The following ABLIM1 variants were observed in gnomAD, a reference collection of about 807,000 sequenced individuals.
The protein encoded by ABLIM1 is actin-binding LIM protein 1.
A neutral mutation model predicts 107.0 loss-of-function variants in ABLIM1; 40 were observed. The observed-to-expected ratio is 0.37, with a 90% CI of 0.29 to 0.49. The LOEUF (loss-of-function observed/expected upper bound fraction) is 0.49. Ranked by LOEUF, ABLIM1 falls within the 20% of genes least tolerant of loss-of-function variation. The pLI is 0.97. For missense variants in ABLIM1, 857 were observed against 1,008.5 expected (o/e 0.85, Z 2.04); for synonymous variants, 357 against 357.3 (o/e 1.00, Z 0.01).
chr10:114,747,050 T>C (rs1238597760), intron 1 of ABLIM1, among the ~76,000 whole-genome samples: 1 of 152,222 alleles, frequency 6.6e-6, no homozygotes, highest in African/African-American at 2.4e-5. Flanking sequence ...GTTTCTTCAC[T>C]CTGCTAATTG....
At chr10:114,442,695 T>G (rs1441924986) in intron 17 of ABLIM1, among the ~76,000 whole-genome samples, 2 of 152,208 alleles carry the variant, frequency 1.3e-5, no homozygotes, top group Non-Finnish European at 2.9e-5. Flanking sequence ...CTGGGTATGT[T>G]AACTCAATTT....
chr10:114,633,640 C>G (rs2078312429), intron 1 of ABLIM1, among the ~76,000 whole-genome samples: 1 of 152,128 alleles, frequency 6.6e-6, no homozygotes, highest in Admixed American at 6.5e-5. Flanking sequence ...TCTCTAACCT[C>G]CATTCATAAA....
intron 1 of ABLIM1, among the ~76,000 whole-genome samples, chr10:114,670,934 A>AAT (rs1247618727): frequency 1.3e-5 from 2 of 152,126 alleles, no homozygotes; most frequent in Admixed American, 1.3e-4. Flanking sequence ...TTTTTATTGA[A>AAT]ATATATATCT....
intron 1 of ABLIM1, among the ~76,000 whole-genome samples, chr10:114,711,628 G>C (rs1027057448): frequency 6.6e-6 from 1 of 152,174 alleles, no homozygotes; most frequent in East Asian, 1.9e-4. Flanking sequence ...AAACCCACAA[G>C]GGGCATGCAC....
intron 1 of ABLIM1, among the ~76,000 whole-genome samples, chr10:114,654,727 C>T (rs575854911): frequency 9.2e-5 from 14 of 152,340 alleles, no homozygotes; most frequent in African/African-American, 1.4e-4. Flanking sequence ...TACCTGGGAT[C>T]GCTGGGGCCA....
chr10:114,651,233 G>A (rs971936891), intron 1 of ABLIM1, among the ~76,000 whole-genome samples: 1 of 152,002 alleles, frequency 6.6e-6, no homozygotes, highest in Non-Finnish European at 1.5e-5. Context: ...TTTTTTCCAT[G>A]CCAGGTACTA....
intron 2 of ABLIM1, among the ~76,000 whole-genome samples, chr10:114,597,234 T>A (rs2075504264): frequency 6.6e-6 from 1 of 152,196 alleles, no homozygotes; most frequent in Non-Finnish European, 1.5e-5. Flanking sequence ...AGACTGCTAT[T>A]GCTGCTGGGA....
chr10:114,756,974 C>A (rs1383291056), intron 1 of ABLIM1, among the ~76,000 whole-genome samples: 1 of 152,142 alleles, frequency 6.6e-6, no homozygotes, highest in African/African-American at 2.4e-5. Flanking sequence ...ATCCCCTGAG[C>A]CTGGCTCATA....
intron 1 of ABLIM1, among the ~76,000 whole-genome samples, chr10:114,668,297 A>T (rs546209720): frequency 6.6e-6 from 1 of 152,302 alleles, no homozygotes; most frequent in African/African-American, 2.4e-5. Context: ...GGAGTGAGAC[A>T]GGGATATTAG....
Position 114,482,310 on chromosome 10 carries a change from C to T in ABLIM1, c.1041+5648G>A, listed in dbSNP as rs76113501. Among the ~76,000 whole-genome samples, 852 of 152,220 alleles carry T rather than the reference C, an allele frequency of 5.6e-3. 20 individuals carry two copies. The highest frequency in any genetic ancestry group is 0.055 in the East Asian group (282 of 5,174). Reference sequence around the variant, plus strand: ...ATTCAGGCAAAAGGAAAAGATGGAGCTCATTCTCAATATAGATAACAAAAA... The same window carrying T: ...ATTCAGGCAAAAGGAAAAGATGGAGTTCATTCTCAATATAGATAACAAAAA... On this transcript the variant is annotated intron_variant, in intron 8 of 22. Coordinates refer to ENST00000533213, the MANE Select transcript of ABLIM1 (RefSeq NM_002313.7).
At chr10:114,705,645 A>G (rs1439624455) in intron 1 of ABLIM1, among the ~76,000 whole-genome samples, 1 of 152,220 alleles carries the variant, frequency 6.6e-6, no homozygotes, top group East Asian at 1.9e-4. Flanking sequence ...CCTTGGTGAG[A>G]AAGGCTGGGC....
At position 114,440,741 on chromosome 10, in the gene ABLIM1, A is replaced by G. The variant is rs138444039; in HGVS notation, c.2059+276T>C. The G allele has an allele frequency of 7.8e-3, 4,142 of 532,788 alleles. 33 individuals are homozygous for G. Among genetic ancestry groups the G allele is most frequent in the Middle Eastern group, 0.018 (55 of 3,070 alleles). 33.0% of individuals were successfully genotyped at this position (532,788 alleles called of 1,614,324 possible). ...CTCCCAAAGTGTTGGGATTGCAGGC[A>G]TGAGCCACCATGCCTGGCCTCTAGG... On this transcript the variant is annotated intron_variant, in intron 19 of 22. Coordinates refer to ENST00000533213, the MANE Select transcript of ABLIM1 (RefSeq NM_002313.7).
chr10:114,615,633 T>C (rs769528251), intron 1 of ABLIM1: 23 of 443,804 alleles, frequency 5.2e-5, no homozygotes, highest in Middle Eastern at 3.3e-4. Flanking sequence ...TATGTTCATG[T>C]TTTGAATACC....
chr10:114,480,124 C>T (rs933989930), intron 8 of ABLIM1, among the ~76,000 whole-genome samples: 5 of 152,222 alleles, frequency 3.3e-5, no homozygotes, highest in Non-Finnish European at 5.9e-5. Flanking sequence ...CTTTGGTCAT[C>T]ACAGAATTTT....
chr10:114,644,298 A>T (rs1566166355), intron 1 of ABLIM1, among the ~76,000 whole-genome samples: 9 of 101,380 alleles, frequency 8.9e-5, no homozygotes, highest in African/African-American at 4.3e-4. Context: ...AAAAAAAAAA[A>T]AAAAAAAAAT....
intron 2 of ABLIM1, among the ~76,000 whole-genome samples, chr10:114,583,757 G>C (rs2073882693): frequency 6.6e-6 from 1 of 151,810 alleles, no homozygotes; most frequent in Non-Finnish European, 1.5e-5. Context: ...GGAAAATGTG[G>C]TACATATACA....
At chr10:114,638,471 C>G (rs2078584467) in intron 1 of ABLIM1, among the ~76,000 whole-genome samples, 1 of 152,144 alleles carries the variant, frequency 6.6e-6, no homozygotes, top group Admixed American at 6.5e-5. Flanking sequence ...CTCATCTTGT[C>G]CTCATAACAA....
intron 1 of ABLIM1, among the ~76,000 whole-genome samples, chr10:114,655,997 G>A (rs528479228): frequency 1.9e-4 from 29 of 152,222 alleles, no homozygotes; most frequent in African/African-American, 4.8e-4. Context: ...AAGGCCGGGC[G>A]CGGTGGCTCA....
chr10:114,571,529 T>A, intron 3 of ABLIM1, 123 bp from the exon 4 acceptor site: 1 of 919,976 alleles, frequency 1.1e-6, no homozygotes, highest in Non-Finnish European at 1.7e-6. Context: ...CCAACATGTC[T>A]GAAATGCAGT....
Sources: gnomAD v4.1 joint callset for allele counts (sites outside exome capture counted in the v4.1 genomes callset) on GRCh38, gnomAD v4.1.1 for gene constraint, MANE v1.5 for transcripts, NCBI Gene and HGNC (gene_info 2026-07-23, HGNC 2026-07-21) for gene names.